UNC13B: variants seen among roughly 807,000 people sequenced by gnomAD.
UNC13B encodes unc-13 homolog B, also known as protein unc-13 homolog B.
UNC13B carries 144 observed loss-of-function variants against 211.0 expected under a neutral mutation model. The observed-to-expected ratio is 0.68, with a 90% confidence interval of 0.60 to 0.78. The LOEUF is 0.78. Ranked by LOEUF, UNC13B falls within the 30% of genes least tolerant of loss-of-function variation. UNC13B has a pLI of 0.00. For missense variants in UNC13B, 1,777 were observed against 2,002.0 expected, an observed-to-expected ratio of 0.89 and a Z score of 2.14; for synonymous variants, 709 against 725.8, an observed-to-expected ratio of 0.98 and a Z score of 0.37.
At chr9:35,206,886 A>AC (rs928821148) in intron 1 of UNC13B, among the ~76,000 whole-genome samples, 45 of 151,890 alleles carry the variant, frequency 3.0e-4, no homozygotes, top group African/African-American at 1.0e-3. Flanking sequence ...AAAAAAAAAA[A>AC]AAAACACACA....
chr9:35,313,736 T>C (rs765230935), intron 10 of UNC13B, among the ~76,000 whole-genome samples, 163 bp from the exon 11 acceptor site: 113 of 152,196 alleles, frequency 7.4e-4, no homozygotes, highest in Non-Finnish European at 1.4e-3. Context: ...TGTTTTCACA[T>C]TGGATATTCA....
At chr9:35,393,310 C>G (rs1042255521) in intron 26 of UNC13B, among the ~76,000 whole-genome samples, 6 of 152,000 alleles carry the variant, frequency 3.9e-5, no homozygotes, top group African/African-American at 1.5e-4. Flanking sequence ...CAAGCCGAAA[C>G]CTGAAGGGTA....
At chr9:35,248,731 T>C (rs1156897303) in intron 6 of UNC13B, among the ~76,000 whole-genome samples, 1 of 152,238 alleles carries the variant, frequency 6.6e-6, no homozygotes. Flanking sequence ...CAGTTTGTTA[T>C]AATTTCTGTT....
rs1197382228 is a variant in UNC13B, at chr9:35,381,554, A to G, written c.10492-2A>G. On this transcript the variant is annotated splice_acceptor_variant, in intron 19 of 39. Coordinates refer to ENST00000635942, the MANE Select transcript of UNC13B (RefSeq NM_001371189.2). LOFTEE classifies it high-confidence loss of function. Reference sequence around the variant, plus strand: ...TCCCTTTCTCTGCTCTGTCTCCTGCAGAATCTTTTCCATTACCTCACAGAC... The same window carrying G: ...TCCCTTTCTCTGCTCTGTCTCCTGCGGAATCTTTTCCATTACCTCACAGAC... 14 of 1,612,742 alleles carry G rather than the reference A, an allele frequency of 8.7e-6. No individual in the cohort carries two copies. Among genetic ancestry groups the G allele is most frequent in the Non-Finnish European group, 1.2e-5 (14 of 1,179,046 alleles).
chr9:35,219,806 T>C (rs1012365916), intron 1 of UNC13B, among the ~76,000 whole-genome samples: 3 of 152,156 alleles, frequency 2.0e-5, no homozygotes, highest in Non-Finnish European at 4.4e-5. Flanking sequence ...TTCTTTACTG[T>C]CTCAATCTCT....
chr9:35,165,155 G>A (rs1434419969), intron 1 of UNC13B, among the ~76,000 whole-genome samples: 6 of 152,222 alleles, frequency 3.9e-5, no homozygotes, highest in Non-Finnish European at 8.8e-5. Context: ...AGTACATGAA[G>A]ACTGTTTAAA....
rs1829839837 is a variant in UNC13B at position 35,304,587 on chromosome 9, C to T, written c.5183C>T (p.Thr1728Ile). ...CAGTCTTCTGTTGAAGAAGTTACCA[C>T]TTTGGTTCATCCTGAAAATATGACT... ...WLQSSVEEVT[T>I]LVHPENMTKG... The change falls in exon 9 of 40, where the codon ACT (threonine) becomes ATT (isoleucine). Residue 1728 changes from threonine to isoleucine, a missense_variant. By Grantham distance (89) the Thr-to-Ile change is moderately conservative (BLOSUM62 -1). Transcript: ENST00000635942. The T allele has an allele frequency of 2.5e-6, 1 of 398,634 alleles. No individual in the cohort carries two copies. Among genetic ancestry groups the T allele is most frequent in the Non-Finnish European group, 4.4e-6 (1 of 225,936 alleles). The allele number at this position is 398,634 out of a possible 1,614,324, so 24.7% of individuals were successfully genotyped here. A position where few individuals can be genotyped will look rare whatever the true frequency, so the allele number is the denominator to read the frequency against.
At chr9:35,184,761 G>GA (rs1554683534) in intron 1 of UNC13B, among the ~76,000 whole-genome samples, 2 of 50,790 alleles carry the variant, frequency 3.9e-5, no homozygotes, top group African/African-American at 1.6e-4. Context: ...AGAAAGAAAG[G>GA]AAGGAAGGAA....
chr9:35,367,762 G>T (rs1460859822), intron 12 of UNC13B, among the ~76,000 whole-genome samples: 1 of 152,164 alleles, frequency 6.6e-6, no homozygotes, highest in Admixed American at 6.5e-5. Flanking sequence ...CTTCTTGTTT[G>T]GGAGTTTCAG....
At position 35,243,335 on chromosome 9, in the gene UNC13B, C is replaced by T; in HGVS notation, c.439C>T (p.Gln147Ter). 1 of 1,613,400 alleles carries T rather than the reference C, an allele frequency of 6.2e-7. No homozygotes were observed. The change falls in exon 6 of 40, where the codon CAA (glutamine) becomes TAA (stop). Residue 147 changes from glutamine (Q) to a stop codon, truncating the protein, a stop_gained. Transcript: ENST00000635942. LOFTEE classifies it high-confidence loss of function. Reference protein sequence around the residue: ...EARYWTYKWEQINALGADNEY... With the variant: ...EARYWTYKWE ...CAGATATTGGACCTACAAATGGGAG[C>T]AAATCAATGCCTTGGGAGCTGACAA...
At chr9:35,248,076 T>C (rs774898408) in intron 6 of UNC13B, among the ~76,000 whole-genome samples, 7 of 152,168 alleles carry the variant, frequency 4.6e-5, no homozygotes, top group Non-Finnish European at 1.0e-4. Flanking sequence ...TCCTGGTTCA[T>C]TCTTGGAATG....
chr9:35,185,415 C>T (rs2131321724), intron 1 of UNC13B, among the ~76,000 whole-genome samples: 1 of 152,262 alleles, frequency 6.6e-6, no homozygotes, highest in Middle Eastern at 3.4e-3. Context: ...ACTAGTACAA[C>T]CAACTACTAT....
At chr9:35,246,397 T>G (rs1826104858) in intron 6 of UNC13B, among the ~76,000 whole-genome samples, 1 of 152,250 alleles carries the variant, frequency 6.6e-6, no homozygotes, top group African/African-American at 2.4e-5. Flanking sequence ...GCTATTGCTT[T>G]TGGTGTTTTA....
chr9:35,166,107 C>T (rs936739775), intron 1 of UNC13B, among the ~76,000 whole-genome samples: 6 of 152,172 alleles, frequency 3.9e-5, no homozygotes, highest in Middle Eastern at 3.4e-3. Flanking sequence ...GCAGGCCAGT[C>T]GTGGTGGCTC....
intron 11 of UNC13B, among the ~76,000 whole-genome samples, chr9:35,351,019 A>G (rs947926378): frequency 1.3e-5 from 2 of 152,214 alleles, no homozygotes; most frequent in African/African-American, 2.4e-5. Context: ...ACCTTACTTC[A>G]TCTACCTCCC....
intron 1 of UNC13B, 29 bp downstream of exon 1, chr9:35,162,334 G>A (rs772839542): frequency 2.6e-6 from 4 of 1,530,920 alleles, no homozygotes; most frequent in Admixed American, 3.9e-5. Context: ...GCGGGGAGGC[G>A]GGGTGTCGGC....
At chr9:35,314,022 A>G (rs768101769) in intron 11 of UNC13B, 33 bp downstream of exon 11, 1 of 1,565,706 alleles carries the variant, frequency 6.4e-7, no homozygotes, top group South Asian at 1.1e-5. Flanking sequence ...GGTTGGGACA[A>G]TTTTTCCTTT....
chr9:35,306,891 C>G lies in UNC13B; in HGVS notation c.7487C>G (p.Ser2496Cys), dbSNP rs369476884. The change falls in exon 9 of 40, where the codon TCT (serine) becomes TGT (cysteine). Residue 2496 changes from serine (S) to cysteine (C), a missense_variant. Physicochemically the swap from Ser to Cys is moderately radical, Grantham distance 112. Coordinates refer to ENST00000635942, the MANE Select transcript of UNC13B (RefSeq NM_001371189.2). ...TCTCCAAAGAAAAACTCCTTTTTCT[C>G]TCTTGCTTCTGATGTATCATCTCAG... ...PKSPKKNSFF[S>C]LASDVSSQPL... 1.5e-5 allele frequency: 6 copies of G among 399,052 alleles called. No individual in the cohort carries two copies. Among genetic ancestry groups the G allele is most frequent in the Middle Eastern group, 6.3e-4 (1 of 1,588 alleles). 24.7% of individuals were successfully genotyped at this position (399,052 alleles called of 1,614,324 possible). A position where few individuals can be genotyped will look rare whatever the true frequency, so the allele number is the denominator to read the frequency against.
intron 11 of UNC13B, among the ~76,000 whole-genome samples, chr9:35,338,787 G>A (rs1403738841): frequency 6.6e-6 from 1 of 152,188 alleles, no homozygotes; most frequent in Non-Finnish European, 1.5e-5. Flanking sequence ...TCCTGACCCA[G>A]CCTGTCTCTG....
Sources: gnomAD v4.1 joint callset for allele counts (sites outside exome capture counted in the v4.1 genomes callset) on GRCh38, gnomAD v4.1.1 for gene constraint, MANE v1.5 for transcripts, NCBI Gene and HGNC (gene_info 2026-07-23, HGNC 2026-07-21) for gene names.